HMCN1: variants seen among roughly 807,000 people sequenced by gnomAD.
HMCN1 encodes the protein hemicentin-1.
In HMCN1, 321 loss-of-function variants were observed where a neutral mutation model predicts 625.9. The observed-to-expected ratio is 0.51, with a 90% CI of 0.47 to 0.56. The LOEUF (loss-of-function observed/expected upper bound fraction) is 0.56. Ranked by LOEUF, HMCN1 falls within the 20% of genes least tolerant of loss-of-function variation. The probability of loss-of-function intolerance (pLI) is 0.00; values close to 1 mark genes in which losing one functional copy is unlikely to be tolerated. For synonymous variants in HMCN1, 2,425 were observed against 2,417.6 expected (o/e 1.00, Z -0.09); for missense variants, 6,588 against 6,887.3 (o/e 0.96, Z 1.54).
intron 22 of HMCN1, among the ~76,000 whole-genome samples, chr1:185,992,909 T>C (rs1418473874): frequency 1.3e-5 from 2 of 152,174 alleles, no homozygotes; most frequent in Non-Finnish European, 2.9e-5. Context: ...AATATACATT[T>C]GCTTTATAGA....
At chr1:185,982,209 C>A in intron 17 of HMCN1, 53 bp from the exon 18 acceptor site, 2 of 1,602,330 alleles carry the variant, frequency 1.2e-6, no homozygotes, top group Admixed American at 3.3e-5. Context: ...AGTGGCTTAC[C>A]TTTCTTTTGG....
chr1:185,903,927 T>C (rs1665952255), intron 4 of HMCN1, among the ~76,000 whole-genome samples: 1 of 151,848 alleles, frequency 6.6e-6, no homozygotes, highest in Admixed American at 6.6e-5. Context: ...TCATCTGAAA[T>C]TTGCCAGCAT....
At chr1:185,963,981 T>G in intron 13 of HMCN1, 86 bp downstream of exon 13, 1 of 1,075,662 alleles carries the variant, frequency 9.3e-7, no homozygotes, top group Non-Finnish European at 1.4e-6. Flanking sequence ...AATATTAATA[T>G]TAGTAATGCA....
Position 186,000,170 on chromosome 1 carries a change from G to A in HMCN1, c.4000G>A (p.Gly1334Arg). 6.2e-7 allele frequency: 1 copy of A among 1,612,620 alleles called. No individual in the cohort carries two copies. Among genetic ancestry groups the A allele is most frequent in the South Asian group, 1.1e-5 (1 of 91,046 alleles). ...VIASVTPYDN[G>R]EYICVAVNEA... ...TGCTTCTGTTACACCCTATGACAAT[G>A]GGGAGTACATCTGTGTGGCAGTCAA... Residue 1334 changes from glycine (G) to arginine (R), a missense_variant, in exon 26 of 107, where the codon GGG becomes AGG. By Grantham distance (125) the Gly-to-Arg change is moderately radical (BLOSUM62 -2). Around this residue, in one of 3 missense-constraint regions of HMCN1, gnomAD observed 4,628 missense variants for 4,853.1 expected, o/e 0.95. Transcript: ENST00000271588.
chr1:185,970,203 A>G (rs1650712042), intron 14 of HMCN1, 132 bp from the exon 15 acceptor site: 7 of 815,438 alleles, frequency 8.6e-6, no homozygotes, highest in Non-Finnish European at 1.3e-5. Context: ...GAAAGTGTCT[A>G]TGTTGTGCCA....
rs185765809 is a variant in HMCN1, at chr1:185,764,318, G to A, written c.268+29271G>A. Among the ~76,000 whole-genome samples, 16 of 152,268 alleles carry A rather than the reference G, an allele frequency of 1.1e-4. No homozygotes were observed. In the East Asian group the frequency reaches 2.9e-3, roughly 28 times the overall value. ...TAAAGAGTTTGATAAATTCATAGCT[G>A]AAGGATCCACAACTAGTATTTCTGT... On this transcript the variant is annotated intron_variant, in intron 1 of 106. Coordinates refer to ENST00000271588, the MANE Select transcript of HMCN1 (RefSeq NM_031935.3).
intron 4 of HMCN1, among the ~76,000 whole-genome samples, chr1:185,896,495 T>A (rs1273534442): frequency 6.6e-6 from 1 of 152,238 alleles, no homozygotes. Flanking sequence ...AATAATGTGT[T>A]ATTTTTCTAT....
intron 15 of HMCN1, among the ~76,000 whole-genome samples, chr1:185,972,193 G>A (rs966339801): frequency 1.3e-5 from 2 of 152,178 alleles, no homozygotes; most frequent in African/African-American, 4.8e-5. Flanking sequence ...GAGGAAGAGA[G>A]AAACAGTCTC....
chr1:185,963,273 C>A (rs1395053630), intron 12 of HMCN1, among the ~76,000 whole-genome samples: 1 of 152,140 alleles, frequency 6.6e-6, no homozygotes, highest in Non-Finnish European at 1.5e-5. Context: ...TGTGATCCAG[C>A]CAGTTGAGCC....
At position 185,890,226 on chromosome 1, in the gene HMCN1, G is replaced by A. The variant is rs191390913; in HGVS notation, c.622-19111G>A. ...TTTTTTCTTTATTAGTCTTGCTAGC[G>A]GTCTATCAATTTTCTTGATCCTTTC... On this transcript the variant is annotated intron_variant, in intron 4 of 106. Coordinates refer to ENST00000271588, the MANE Select transcript of HMCN1 (RefSeq NM_031935.3). Among the ~76,000 whole-genome samples, 986 of 148,024 alleles carry A rather than the reference G, an allele frequency of 6.7e-3. 19 individuals are homozygous for A. The highest frequency in any genetic ancestry group is 0.034 in the Middle Eastern group (10 of 292).
chr1:186,142,735 AAAAAAT>A (rs1248880971), intron 89 of HMCN1, among the ~76,000 whole-genome samples: 2 of 152,194 alleles, frequency 1.3e-5, no homozygotes, highest in African/African-American at 4.8e-5. Context: ...CATATTGATT[AAAAAAT>A]AAAAATAAAA....
chr1:186,092,580 C>A (rs781302777), intron 64 of HMCN1, among the ~76,000 whole-genome samples: 2 of 151,886 alleles, frequency 1.3e-5, no homozygotes, highest in African/African-American at 2.4e-5. Flanking sequence ...GCTTAGAGAT[C>A]TTTAATGATC....
At chr1:185,891,710 GTAA>G (rs1446681512) in intron 4 of HMCN1, among the ~76,000 whole-genome samples, 1 of 148,092 alleles carries the variant, frequency 6.8e-6, no homozygotes, top group African/African-American at 2.7e-5. Context: ...CCCTTTGAGG[GTAA>G]CCCGACCTTT....
chr1:185,734,424 G>A lies in HMCN1; in HGVS notation c.-356G>A. 4.2e-6 allele frequency: 1 copy of A among 237,612 alleles called. No homozygotes were observed. The highest frequency in any genetic ancestry group is 1.4e-3 in the Middle Eastern group (1 of 740). The allele number at this position is 237,612 out of a possible 1,614,324, so 14.7% of individuals were successfully genotyped here. ...GCCCAGGCGGAGAGCAGCGGCGGCG[G>A]CGAGGGCAGCGGGATTCGGGCCGCG... On this transcript the variant is annotated 5_prime_UTR_variant, in exon 1 of 107. Coordinates refer to ENST00000271588, the MANE Select transcript of HMCN1 (RefSeq NM_031935.3).
At chr1:186,074,570 A>G (rs961560114) in intron 52 of HMCN1, among the ~76,000 whole-genome samples, 171 bp from the exon 53 acceptor site, 2 of 152,164 alleles carry the variant, frequency 1.3e-5, no homozygotes, top group Admixed American at 1.3e-4. Context: ...AGTCAAAAAC[A>G]ATGAGTTTAA....
intron 1 of HMCN1, among the ~76,000 whole-genome samples, chr1:185,825,857 A>T (rs1660480950): frequency 6.6e-6 from 1 of 152,230 alleles, no homozygotes; most frequent in Non-Finnish European, 1.5e-5. Flanking sequence ...TTTCTCTTAC[A>T]TATTACTAGT....
chr1:185,930,966 A>C (rs183264777), intron 10 of HMCN1, among the ~76,000 whole-genome samples: 65 of 151,744 alleles, frequency 4.3e-4, no homozygotes, highest in African/African-American at 1.5e-3. Context: ...TTCTGAGTTT[A>C]GGTAAAATTC....
intron 57 of HMCN1, among the ~76,000 whole-genome samples, chr1:186,084,157 A>G (rs893295463): frequency 4.6e-5 from 7 of 152,134 alleles, no homozygotes; most frequent in African/African-American, 7.2e-5. Flanking sequence ...ATCTGTATCT[A>G]TGCCTCTATC....
At chr1:185,829,304 A>G (rs1389682974) in intron 1 of HMCN1, among the ~76,000 whole-genome samples, 16 of 151,622 alleles carry the variant, frequency 1.1e-4, no homozygotes, top group African/African-American at 2.9e-4. Context: ...AAAAAATAAA[A>G]GGGGGATACG....
Sources: allele counts gnomAD v4.1 joint callset (sites outside exome capture counted in the v4.1 genomes callset), GRCh38; gene constraint gnomAD v4.1.1; regional missense constraint gnomAD v4.1.1; transcripts MANE v1.5; gene names NCBI Gene and HGNC (gene_info 2026-07-23, HGNC 2026-07-21).